Variants in MON2 observed in about 807,000 individuals in gnomAD.
MON2 encodes the protein MON2 regulator of endosome-to-Golgi trafficking.
MON2 carries 84 observed loss-of-function variants against 208.6 expected under a neutral mutation model. The ratio of observed to expected loss-of-function variants is 0.40; its 90% CI spans 0.34 to 0.48. The LOEUF (loss-of-function observed/expected upper bound fraction) is 0.48. MON2 is among the 20% of genes least tolerant of loss of function. The pLI is 0.59. For synonymous variants in MON2, 660 were observed against 694.0 expected (o/e 0.95, Z 0.77); for missense variants, 1,611 against 2,015.4 (o/e 0.80, Z 3.84).
intron 21 of MON2, among the ~76,000 whole-genome samples, chr12:62,545,289 G>A (rs1181662546): frequency 6.7e-6 from 1 of 150,112 alleles, no homozygotes; most frequent in Non-Finnish European, 1.5e-5. Flanking sequence ...GTGCTAAAGT[G>A]TTGTTTTGGA....
intron 1 of MON2, chr12:62,470,816 T>C: frequency 1.1e-6 from 1 of 885,890 alleles, no homozygotes; most frequent in South Asian, 4.0e-5. Flanking sequence ...ATACTGAAGA[T>C]GATTGGAGCC....
At chr12:62,588,829 C>A (rs2075303253) in intron 34 of MON2, 2 of 1,366,820 alleles carry the variant, frequency 1.5e-6, no homozygotes, top group South Asian at 1.3e-5. Flanking sequence ...CAAATTTTTT[C>A]AACCTTTTGT....
chr12:62,487,389 A>G (rs2069865271), intron 2 of MON2, among the ~76,000 whole-genome samples: 1 of 152,138 alleles, frequency 6.6e-6, no homozygotes, highest in Admixed American at 6.5e-5. Flanking sequence ...AAGGAAATCA[A>G]TGAAGTTGTG....
intron 32 of MON2, among the ~76,000 whole-genome samples, chr12:62,583,749 G>C (rs1476290862): frequency 1.3e-5 from 2 of 149,892 alleles, no homozygotes; most frequent in African/African-American, 4.9e-5. Context: ...AAGAGTTCGA[G>C]ACTGTCCTGG....
At chr12:62,481,492 G>A (rs2069434298) in intron 1 of MON2, among the ~76,000 whole-genome samples, 1 of 143,898 alleles carries the variant, frequency 6.9e-6, no homozygotes, top group Non-Finnish European at 1.5e-5. Context: ...AGCCAGCCTG[G>A]GCAACAGAGC....
intron 1 of MON2, among the ~76,000 whole-genome samples, chr12:62,471,497 A>G (rs1181274316): frequency 2.0e-5 from 3 of 152,192 alleles, no homozygotes; most frequent in Non-Finnish European, 4.4e-5. Context: ...TAGTCATTAT[A>G]TTAAGATTTA....
chr12:62,580,338 T>C lies in MON2; in HGVS notation c.4617T>C (p.Asn1539=). 6.2e-7 allele frequency: 1 copy of C among 1,609,466 alleles called. No homozygotes were observed. Residue 1539 remains asparagine, a synonymous_variant, in exon 32 of 35, where the codon AAT becomes AAC. Coordinates refer to ENST00000393630, the MANE Select transcript of MON2 (RefSeq NM_015026.3). ...LISNEILPYA[N]FIPKEFVGQI... ...GCAATGAGATACTACCTTATGCCAA[T>C]TTTATTCCTAAGGAATTTGTTGGTC...
intron 6 of MON2, among the ~76,000 whole-genome samples, 163 bp from the exon 7 acceptor site, chr12:62,501,410 A>C (rs538633100): frequency 1.3e-5 from 2 of 152,340 alleles, no homozygotes; most frequent in East Asian, 3.9e-4. Flanking sequence ...ATAATCTATC[A>C]ATTACACAAT....
chr12:62,532,737 T>C (rs964488319), intron 12 of MON2, 67 bp downstream of exon 12: 2 of 1,154,278 alleles, frequency 1.7e-6, no homozygotes, highest in Non-Finnish European at 2.5e-6. Flanking sequence ...AAAATTGTAG[T>C]CTTTATAAAT....
intron 34 of MON2, 106 bp from the exon 35 acceptor site, chr12:62,592,479 GT>G: frequency 1.2e-6 from 1 of 827,534 alleles, no homozygotes; most frequent in Non-Finnish European, 1.8e-6. Flanking sequence ...GAATCTTCAT[GT>G]TTCAGAGTTT....
At chr12:62,508,123 T>G (rs2071198750) in intron 7 of MON2, among the ~76,000 whole-genome samples, 163 bp from the exon 8 acceptor site, 1 of 152,188 alleles carries the variant, frequency 6.6e-6, no homozygotes, top group African/African-American at 2.4e-5. Flanking sequence ...ATTTCAAAAT[T>G]GTGCGTAAAC....
chr12:62,470,290 A>C (rs1172371219), intron 1 of MON2, among the ~76,000 whole-genome samples: 1 of 152,152 alleles, frequency 6.6e-6, no homozygotes. Flanking sequence ...TTGATAAAGA[A>C]TAGTGCTTTA....
intron 21 of MON2, among the ~76,000 whole-genome samples, chr12:62,546,391 CTT>C (rs2073483996): frequency 6.6e-6 from 1 of 152,028 alleles, no homozygotes; most frequent in Admixed American, 6.6e-5. Context: ...GATTTTTTCT[CTT>C]ATTTAAAAAT....
chr12:62,539,048 A>G (rs1306720690), intron 19 of MON2, among the ~76,000 whole-genome samples: 6 of 152,276 alleles, frequency 3.9e-5, no homozygotes, highest in Non-Finnish European at 8.8e-5. Flanking sequence ...ACTACTAAAA[A>G]TATCACTTTC....
intron 22 of MON2, among the ~76,000 whole-genome samples, chr12:62,549,245 T>G (rs1033793679): frequency 1.2e-4 from 18 of 152,172 alleles, no homozygotes; most frequent in African/African-American, 4.3e-4. Flanking sequence ...TGATCAATAT[T>G]AGGAGTTTCT....
At chr12:62,521,769 G>A (rs2072054015) in intron 8 of MON2, among the ~76,000 whole-genome samples, 1 of 152,166 alleles carries the variant, frequency 6.6e-6, no homozygotes, top group South Asian at 2.1e-4. Flanking sequence ...TATATTAATA[G>A]CTACTATACT....
rs772419939 is a variant in MON2, at chr12:62,537,649, G to A, written c.2061G>A (p.Ala687=). 2.0e-5 allele frequency: 32 copies of A among 1,613,060 alleles called. No homozygotes were observed. Among genetic ancestry groups the A allele is most frequent in the African/African-American group, 8.0e-5 (6 of 74,872 alleles). The change falls in exon 16 of 35, where the codon GCG becomes GCA. Residue 687 remains alanine (A), a synonymous_variant. Coordinates refer to ENST00000393630, the MANE Select transcript of MON2 (RefSeq NM_015026.3). ...IQCMRTLLNL[A]HCHGAVLGTS... ...GTATGAGGACTTTACTTAACTTGGC[G>A]CATTGCCATGGGGCTGTTCTTGGAA...
chr12:62,499,534 TTGTC>T (rs1160949524), intron 5 of MON2, among the ~76,000 whole-genome samples: 1 of 152,194 alleles, frequency 6.6e-6, no homozygotes, highest in Non-Finnish European at 1.5e-5. Context: ...TCGTAAATTT[TTGTC>T]TGTATCTGCT....
At chr12:62,583,060 C>T (rs749219970) in intron 32 of MON2, among the ~76,000 whole-genome samples, 2 of 152,114 alleles carry the variant, frequency 1.3e-5, no homozygotes, top group African/African-American at 2.4e-5. Context: ...AGGCTGGGCA[C>T]GGTGGCTCAG....
Sources: allele counts gnomAD v4.1 joint callset (sites outside exome capture counted in the v4.1 genomes callset), GRCh38; gene constraint gnomAD v4.1.1; transcripts MANE v1.5; gene names NCBI Gene and HGNC (gene_info 2026-07-23, HGNC 2026-07-21).